GPC3: variants seen among roughly 807,000 people sequenced by gnomAD.
GPC3 encodes glypican-3.
A neutral mutation model predicts 34.4 loss-of-function variants in GPC3; 3 were observed. That is an observed-to-expected ratio of 0.09 (90% CI 0.04 to 0.23). The LOEUF (loss-of-function observed/expected upper bound fraction) is 0.23, where lower values mean the gene tolerates loss of function less well. Ranked by LOEUF, GPC3 falls within the 10% of genes least tolerant of loss-of-function variation. The probability of loss-of-function intolerance (pLI) is 1.00; values close to 1 mark genes in which losing one functional copy is unlikely to be tolerated. For missense variants in GPC3, 351 were observed against 445.6 expected, an observed-to-expected ratio of 0.79 and a Z score of 1.91; for synonymous variants, 177 against 174.0, an observed-to-expected ratio of 1.02 and a Z score of -0.13.
intron 5 of GPC3, among the ~76,000 whole-genome samples, chrX:133,662,884 A>G (rs1025824595): frequency 6.3e-5 from 7 of 110,778 alleles, no homozygotes; most frequent in African/African-American, 9.8e-5. Flanking sequence ...TTCAATTACA[A>G]TAGGGTAGCC....
chrX:133,868,874 C>G (rs2075981081), intron 2 of GPC3, among the ~76,000 whole-genome samples: 1 of 111,725 alleles, frequency 9.0e-6, no homozygotes, highest in Admixed American at 9.5e-5. Flanking sequence ...GTTTCCCCTC[C>G]TCCCCATCTG....
intron 3 of GPC3, among the ~76,000 whole-genome samples, chrX:133,740,418 C>T (rs1368700676): frequency 8.9e-6 from 1 of 112,220 alleles, no homozygotes; most frequent in Non-Finnish European, 1.9e-5. Context: ...CAATTTGTCA[C>T]AATTATTGCT....
Position 133,753,421 on chromosome X carries a change from C to T in GPC3, c.1032+61G>A, listed in dbSNP as rs376952211. 3.4e-5 allele frequency: 30 copies of T among 894,234 alleles called. No homozygotes were observed. The African/African-American group carries it at 4.3e-4, about 13-fold the overall frequency. The allele number at this position is 894,234 out of a possible 1,213,427, so 73.7% of individuals were successfully genotyped here. ...TCTCATTTCTCTCCATCAGTACCTG[C>T]TACTGGCCACCTCACCCCAATAAGG... On this transcript the variant is annotated intron_variant, in intron 3 of 7. Transcript: ENST00000370818.
chrX:133,858,974 G>C (rs899676388), intron 2 of GPC3, among the ~76,000 whole-genome samples: 4 of 108,086 alleles, frequency 3.7e-5, no homozygotes, highest in Non-Finnish European at 7.7e-5. Flanking sequence ...CCAGCTATTC[G>C]GGAGGCTGAG....
intron 2 of GPC3, among the ~76,000 whole-genome samples, chrX:133,885,574 T>C (rs921989638): frequency 9.0e-6 from 1 of 111,557 alleles, no homozygotes; most frequent in Non-Finnish European, 1.9e-5. Context: ...AGTGGAGTGT[T>C]ATTAATAGAC....
intron 2 of GPC3, among the ~76,000 whole-genome samples, chrX:133,797,239 A>C (rs1045867841): frequency 9.0e-6 from 1 of 110,813 alleles, no homozygotes; most frequent in Non-Finnish European, 1.9e-5. Context: ...GACTGGGGAC[A>C]TGTCTATCTC....
intron 3 of GPC3, among the ~76,000 whole-genome samples, chrX:133,739,142 C>T (rs998378598): frequency 1.8e-5 from 2 of 111,335 alleles, no homozygotes; most frequent in African/African-American, 6.5e-5. Flanking sequence ...TCTGTGGTTT[C>T]AGGCATCCAC....
chrX:133,877,110 A>G (rs758674498), intron 2 of GPC3, among the ~76,000 whole-genome samples: 3 of 112,108 alleles, frequency 2.7e-5, no homozygotes, highest in Non-Finnish European at 5.6e-5. Flanking sequence ...CATAACCTCT[A>G]TAGTGGATAT....
At chrX:133,880,804 G>A (rs922606711) in intron 2 of GPC3, among the ~76,000 whole-genome samples, 1 of 111,589 alleles carries the variant, frequency 9.0e-6, no homozygotes, top group African/African-American at 3.3e-5. Flanking sequence ...TTTAAAATAA[G>A]ATGAGGCAGT....
intron 2 of GPC3, among the ~76,000 whole-genome samples, chrX:133,877,822 T>C (rs1395403895): frequency 9.1e-6 from 1 of 110,487 alleles, no homozygotes; most frequent in African/African-American, 3.3e-5. Flanking sequence ...GAAAAGCGAG[T>C]TTCAAAGCAG....
intron 2 of GPC3, among the ~76,000 whole-genome samples, chrX:133,845,416 C>T (rs1037865337): frequency 4.5e-5 from 5 of 111,093 alleles, no homozygotes; most frequent in Non-Finnish European, 7.6e-5. Context: ...GTTTAGCCTT[C>T]GAGCAAGAAT....
At chrX:133,769,834 T>C (rs956394081) in intron 2 of GPC3, among the ~76,000 whole-genome samples, 5 of 112,059 alleles carry the variant, frequency 4.5e-5, no homozygotes, top group African/African-American at 1.6e-4. Flanking sequence ...AAAAGGGACA[T>C]TATATATAAA....
chrX:133,642,772 C>CAAAAAAAAA (rs375514321), intron 6 of GPC3, among the ~76,000 whole-genome samples: 1 of 25,767 alleles, frequency 3.9e-5, no homozygotes, highest in Non-Finnish European at 1.0e-4. Flanking sequence ...AACTACGTCT[C>CAAAAAAAAA]AAAAAAAAAA....
At chrX:133,615,357 C>A (rs2070149827) in intron 6 of GPC3, among the ~76,000 whole-genome samples, 1 of 111,536 alleles carries the variant, frequency 9.0e-6, no homozygotes, top group Admixed American at 9.6e-5. Context: ...AACCAAGTAG[C>A]ATTTAATACA....
chrX:133,936,750 A>T (rs1234520009), intron 2 of GPC3, among the ~76,000 whole-genome samples: 1 of 112,429 alleles, frequency 8.9e-6, no homozygotes, highest in Non-Finnish European at 1.9e-5. Context: ...CACTAAACTG[A>T]TTAAAGCTAA....
At chrX:133,852,113 G>C (rs1017098738) in intron 2 of GPC3, among the ~76,000 whole-genome samples, 2 of 109,356 alleles carry the variant, frequency 1.8e-5, no homozygotes, top group Admixed American at 1.9e-4. Context: ...ACTGTATTTT[G>C]CAAACTTTTC....
At chrX:133,646,984 AG>A (rs748966027) in intron 6 of GPC3, among the ~76,000 whole-genome samples, 5 of 112,253 alleles carry the variant, frequency 4.5e-5, no homozygotes, top group Non-Finnish European at 9.4e-5. Context: ...AAATAGAGGA[AG>A]GGCTATTCCA....
At chrX:133,563,561 A>G (rs1236531567) in intron 7 of GPC3, among the ~76,000 whole-genome samples, 1 of 112,122 alleles carries the variant, frequency 8.9e-6, no homozygotes, top group Non-Finnish European at 1.9e-5. Flanking sequence ...GATATTAACT[A>G]TTTTCTTGCA....
intron 2 of GPC3, among the ~76,000 whole-genome samples, chrX:133,757,440 A>AC (rs2071737075): frequency 9.0e-6 from 1 of 111,040 alleles, no homozygotes; most frequent in Non-Finnish European, 1.9e-5. Flanking sequence ...AACTTCTACT[A>AC]CCCCCCAGGA....
Sources: allele counts gnomAD v4.1 joint callset (sites outside exome capture counted in the v4.1 genomes callset), GRCh38; gene constraint gnomAD v4.1.1; transcripts MANE v1.5; gene names NCBI Gene and HGNC (gene_info 2026-07-23, HGNC 2026-07-21).